The following EGFLAM variants were observed in gnomAD, a reference collection of about 807,000 sequenced individuals.
The protein encoded by EGFLAM is pikachurin.
In EGFLAM, 79 loss-of-function variants were observed where a neutral mutation model predicts 113.1. That is an observed-to-expected ratio of 0.70 (90% CI 0.58 to 0.84). The LOEUF (loss-of-function observed/expected upper bound fraction) is 0.84. Among genes scored for constraint, EGFLAM ranks in the 40% least tolerant of loss-of-function variants. The probability of loss-of-function intolerance (pLI) is 0.00; values close to 1 mark genes in which losing one functional copy is unlikely to be tolerated. For synonymous variants in EGFLAM, 504 were observed against 487.6 expected (o/e 1.03, Z -0.44); for missense variants, 1,265 against 1,291.6 (o/e 0.98, Z 0.32).
At chr5:38,406,555 A>G (rs1014515750) in intron 7 of EGFLAM, among the ~76,000 whole-genome samples, 2 of 152,224 alleles carry the variant, frequency 1.3e-5, no homozygotes, top group African/African-American at 4.8e-5. Flanking sequence ...ATTCCTTGAC[A>G]AAGTCATGCA....
rs1743383708 is a variant in EGFLAM at position 38,464,016 on chromosome 5, C to G, written c.*30C>G. 1.2e-6 allele frequency: 2 copies of G among 1,613,494 alleles called. No homozygotes were observed. Among genetic ancestry groups the G allele is most frequent in the African/African-American group, 1.3e-5 (1 of 74,926 alleles). On this transcript the variant is annotated 3_prime_UTR_variant, in exon 22 of 22. Coordinates refer to ENST00000322350, the MANE Select transcript of EGFLAM (RefSeq NM_152403.4). ...AGCTGGCCTTGTCCAAGGGACAGAGCCTTCTATTCTGAGAATCCCAGGGGC... is the reference window on the plus strand; with the variant it reads ...AGCTGGCCTTGTCCAAGGGACAGAGGCTTCTATTCTGAGAATCCCAGGGGC...
intron 1 of EGFLAM, among the ~76,000 whole-genome samples, chr5:38,307,447 CT>C (rs1300313704): frequency 6.6e-6 from 1 of 152,218 alleles, no homozygotes; most frequent in Non-Finnish European, 1.5e-5. Context: ...TCACTCAGCC[CT>C]TTTTCTTCCT....
chr5:38,293,650 A>G (rs1433287401), intron 1 of EGFLAM, among the ~76,000 whole-genome samples: 1 of 152,214 alleles, frequency 6.6e-6, no homozygotes, highest in Non-Finnish European at 1.5e-5. Context: ...CAGGTTTTAT[A>G]GGGTTATATA....
intron 20 of EGFLAM, among the ~76,000 whole-genome samples, chr5:38,461,904 G>A (rs948615499): frequency 1.3e-5 from 2 of 152,206 alleles, no homozygotes; most frequent in South Asian, 4.1e-4. Context: ...AGTGGCTCAC[G>A]CCTGTAATCC....
intron 17 of EGFLAM, among the ~76,000 whole-genome samples, chr5:38,443,028 G>A (rs918591108): frequency 6.6e-6 from 1 of 152,214 alleles, no homozygotes; most frequent in Non-Finnish European, 1.5e-5. Flanking sequence ...CCCTTTGGGA[G>A]GCTGAGGCGG....
intron 1 of EGFLAM, among the ~76,000 whole-genome samples, chr5:38,314,407 G>C (rs1357910001): frequency 1.3e-5 from 2 of 152,196 alleles, no homozygotes; most frequent in Admixed American, 1.3e-4. Flanking sequence ...TATTTCAAGA[G>C]AGGGTCCGGC....
intron 1 of EGFLAM, among the ~76,000 whole-genome samples, chr5:38,281,750 C>T (rs1395227835): frequency 6.6e-6 from 1 of 152,080 alleles, no homozygotes; most frequent in Non-Finnish European, 1.5e-5. Flanking sequence ...ACCACCTTCT[C>T]CCAATAAAAT....
intron 1 of EGFLAM, among the ~76,000 whole-genome samples, chr5:38,285,401 A>T (rs1758133328): frequency 6.6e-6 from 1 of 152,200 alleles, no homozygotes; most frequent in African/African-American, 2.4e-5. Flanking sequence ...CAAAACAGTG[A>T]CCAGGACTGT....
chr5:38,455,119 C>T lies in EGFLAM; in HGVS notation c.2688-3192C>T, dbSNP rs544513570. 3.1e-4 allele frequency among the ~76,000 whole-genome samples: 47 copies of T among 152,198 alleles called. No homozygotes were observed. The South Asian group carries it at 8.5e-3, about 28-fold the overall frequency. On this transcript the variant is annotated intron_variant, in intron 19 of 21. Coordinates refer to ENST00000322350, the MANE Select transcript of EGFLAM (RefSeq NM_152403.4). ...TTCACCTCATCACATCTTCATGCAA[C>T]GAAGAGGGGGAAGAGACTTGACATT... is the stretch of plus-strand genomic sequence containing the variant.
At chr5:38,388,958 C>T (rs1253924702) in intron 6 of EGFLAM, among the ~76,000 whole-genome samples, 1 of 149,818 alleles carries the variant, frequency 6.7e-6, no homozygotes, top group Non-Finnish European at 1.5e-5. Context: ...ATGAGTTTTT[C>T]AGTGAAAATA....
intron 3 of EGFLAM, among the ~76,000 whole-genome samples, chr5:38,339,745 G>T (rs1739286108): frequency 6.6e-6 from 1 of 152,278 alleles, no homozygotes; most frequent in Admixed American, 6.5e-5. Flanking sequence ...ACTGACCTCT[G>T]AGCCCCTGCC....
intron 19 of EGFLAM, among the ~76,000 whole-genome samples, chr5:38,455,259 T>G (rs1478013352): frequency 6.6e-6 from 1 of 152,176 alleles, no homozygotes; most frequent in Non-Finnish European, 1.5e-5. Flanking sequence ...TATTTCCGGG[T>G]GGCCCACCTT....
intron 1 of EGFLAM, 69 bp downstream of exon 1, chr5:38,258,920 A>T (rs1202741731): frequency 2.0e-6 from 3 of 1,491,364 alleles, no homozygotes; most frequent in Non-Finnish European, 2.7e-6. Context: ...GCGAGGACAC[A>T]GAGCGGGCAG....
In EGFLAM at chr5:38,413,185, A is replaced by ATTTTT. The variant is rs34326457; in HGVS notation, c.1494+557_1494+561dup. On this transcript the variant is annotated intron_variant, in intron 11 of 21. Transcript: ENST00000322350. ...AGGCATGTGCCACCATGCCTGGCTA[A>ATTTTT]TTTTTTTTTTTTTTTTTTTTTTTTG... 4.4e-3 allele frequency among the ~76,000 whole-genome samples: 439 copies of ATTTTT among 100,896 alleles called. 1 individual carries two copies. The highest frequency in any genetic ancestry group is 5.1e-3 in the Non-Finnish European group (265 of 52,252). The allele number at this position is 100,896 out of a possible 152,430, so 66.2% of individuals were successfully genotyped here.
intron 1 of EGFLAM, among the ~76,000 whole-genome samples, chr5:38,293,693 G>A (rs965249758): frequency 2.0e-5 from 3 of 152,288 alleles, no homozygotes; most frequent in Admixed American, 6.5e-5. Context: ...TAAAAATTAT[G>A]TAATAAATCA....
At chr5:38,352,595 C>T (rs34082932) in intron 5 of EGFLAM, among the ~76,000 whole-genome samples, 9 of 149,954 alleles carry the variant, frequency 6.0e-5, no homozygotes, top group African/African-American at 1.7e-4. Context: ...TGCAGTGAGC[C>T]GAGATCATGC....
intron 6 of EGFLAM, among the ~76,000 whole-genome samples, chr5:38,384,619 G>T (rs75902227): frequency 0.064 from 9,776 of 152,202 alleles, 1,059 homozygotes; most frequent in African/African-American, 0.22. Context: ...GCCACATGTG[G>T]GAAAATCCTG....
At chr5:38,355,076 G>A (rs534995651) in intron 5 of EGFLAM, among the ~76,000 whole-genome samples, 7 of 152,286 alleles carry the variant, frequency 4.6e-5, no homozygotes, top group African/African-American at 1.7e-4. Flanking sequence ...AAGGACTTGG[G>A]TGCAAATAGT....
intron 6 of EGFLAM, among the ~76,000 whole-genome samples, chr5:38,396,977 G>C (rs1740978119): frequency 1.3e-5 from 2 of 152,134 alleles, no homozygotes; most frequent in African/African-American, 4.8e-5. Context: ...TGGTTGACTG[G>C]CTTATGTACT....
Sources: gnomAD v4.1 joint callset for allele counts (sites outside exome capture counted in the v4.1 genomes callset) on GRCh38, gnomAD v4.1.1 for gene constraint, MANE v1.5 for transcripts, NCBI Gene and HGNC (gene_info 2026-07-23, HGNC 2026-07-21) for gene names.